ARHGAP44: variants seen among roughly 807,000 people sequenced by gnomAD.
The protein encoded by ARHGAP44 is Rho GTPase activating protein 44.
ARHGAP44 carries 43 observed loss-of-function variants against 106.8 expected under a neutral mutation model. The observed-to-expected ratio is 0.40, with a 90% CI of 0.32 to 0.52. ARHGAP44 has a LOEUF of 0.52. ARHGAP44 is among the 20% of genes least tolerant of loss of function. The probability of loss-of-function intolerance (pLI) is 0.48; values close to 1 mark genes in which losing one functional copy is unlikely to be tolerated. For missense variants in ARHGAP44, 866 were observed against 1,050.5 expected, an observed-to-expected ratio of 0.82 and a Z score of 2.43; for synonymous variants, 439 against 410.3, an observed-to-expected ratio of 1.07 and a Z score of -0.85.
intron 7 of ARHGAP44, among the ~76,000 whole-genome samples, chr17:12,939,997 A>G (rs2038662671): frequency 6.6e-6 from 1 of 152,234 alleles, no homozygotes; most frequent in African/African-American, 2.4e-5. Flanking sequence ...AGTGTTCTTA[A>G]TGAGAATAGG....
At chr17:12,956,385 G>A (rs2072250) in intron 14 of ARHGAP44, among the ~76,000 whole-genome samples, 10,912 of 152,226 alleles carry the variant, frequency 0.072, 442 homozygotes, top group South Asian at 0.13. Flanking sequence ...AGAATCACAG[G>A]GACGGGAGGG....
chr17:12,819,190 T>G (rs921145567), intron 1 of ARHGAP44, among the ~76,000 whole-genome samples: 2 of 152,092 alleles, frequency 1.3e-5, no homozygotes, highest in African/African-American at 4.8e-5. Context: ...ATAAATTAGA[T>G]CATATGGCAT....
chr17:12,822,781 G>A (rs2034808908), intron 1 of ARHGAP44, among the ~76,000 whole-genome samples: 1 of 152,126 alleles, frequency 6.6e-6, no homozygotes, highest in Non-Finnish European at 1.5e-5. Flanking sequence ...CAATGCACAT[G>A]TCTGACTCTG....
At chr17:12,961,146 C>T (rs776092877) in intron 16 of ARHGAP44, among the ~76,000 whole-genome samples, 10 of 152,166 alleles carry the variant, frequency 6.6e-5, no homozygotes, top group Non-Finnish European at 1.3e-4. Context: ...TCCAGTGCCT[C>T]CTGGGCGCAC....
At chr17:12,902,083 T>A (rs1231620136) in intron 3 of ARHGAP44, among the ~76,000 whole-genome samples, 1 of 152,188 alleles carries the variant, frequency 6.6e-6, no homozygotes, top group Non-Finnish European at 1.5e-5. Flanking sequence ...TAACTCACTC[T>A]CCTGCCTAAT....
At chr17:12,798,111 TG>T (rs1455601562) in intron 1 of ARHGAP44, among the ~76,000 whole-genome samples, 1 of 152,198 alleles carries the variant, frequency 6.6e-6, no homozygotes, top group Non-Finnish European at 1.5e-5. Flanking sequence ...ATTGAGTCTG[TG>T]GGATTTTCCA....
At chr17:12,897,948 T>C (rs2037262511) in intron 3 of ARHGAP44, among the ~76,000 whole-genome samples, 1 of 152,094 alleles carries the variant, frequency 6.6e-6, no homozygotes, top group Non-Finnish European at 1.5e-5. Flanking sequence ...TCAGTAAGGA[T>C]ACATTTGGAT....
At position 12,794,687 on chromosome 17, in the gene ARHGAP44, C is replaced by T. The variant is rs113791773; in HGVS notation, c.53+4796C>T. ...AGTTTTGTCTCTGGAGCCTTGTTTT[C>T]TATTCCTTGACTGCTTTGCATACAT... On this transcript the variant is annotated intron_variant, in intron 1 of 20. Coordinates refer to ENST00000379672, the MANE Select transcript of ARHGAP44 (RefSeq NM_014859.6). 2.5e-3 allele frequency among the ~76,000 whole-genome samples: 387 copies of T among 152,216 alleles called. 5 individuals carry two copies. Among genetic ancestry groups the T allele is most frequent in the African/African-American group, 9.0e-3 (375 of 41,536 alleles).
At chr17:12,906,488 A>T (rs967379910) in intron 3 of ARHGAP44, among the ~76,000 whole-genome samples, 3 of 152,218 alleles carry the variant, frequency 2.0e-5, no homozygotes, top group South Asian at 2.1e-4. Flanking sequence ...CTCAGGTTTG[A>T]TAATTTGCTA....
intron 1 of ARHGAP44, among the ~76,000 whole-genome samples, chr17:12,841,628 AC>A (rs1567642324): frequency 0.094 from 13,018 of 138,630 alleles, 709 homozygotes; most frequent in Middle Eastern, 0.17. Flanking sequence ...ACACACACAC[AC>A]ACACACACAC....
At chr17:12,847,664 C>T (rs2035610343) in intron 1 of ARHGAP44, among the ~76,000 whole-genome samples, 1 of 152,034 alleles carries the variant, frequency 6.6e-6, no homozygotes, top group Non-Finnish European at 1.5e-5. Context: ...CAGGTGCCTG[C>T]CACTGCGCCC....
intron 1 of ARHGAP44, among the ~76,000 whole-genome samples, chr17:12,833,943 T>C (rs1034441506): frequency 3.7e-4 from 54 of 147,116 alleles, no homozygotes; most frequent in Non-Finnish European, 6.9e-4. Context: ...TCAGAGAGAA[T>C]AGATTGTGAA....
intron 7 of ARHGAP44, among the ~76,000 whole-genome samples, chr17:12,937,142 C>T (rs1479378848): frequency 6.6e-6 from 1 of 152,108 alleles, no homozygotes; most frequent in Non-Finnish European, 1.5e-5. Context: ...TTATTCCTTT[C>T]TTAGGTGGGA....
At chr17:12,900,878 A>T (rs1380312740) in intron 3 of ARHGAP44, among the ~76,000 whole-genome samples, 1 of 148,618 alleles carries the variant, frequency 6.7e-6, no homozygotes, top group Non-Finnish European at 1.5e-5. Flanking sequence ...AGAGGACAAG[A>T]TGTGCCAGGT....
At chr17:12,838,272 T>C (rs932413907) in intron 1 of ARHGAP44, among the ~76,000 whole-genome samples, 1 of 152,212 alleles carries the variant, frequency 6.6e-6, no homozygotes, top group African/African-American at 2.4e-5. Flanking sequence ...AGGATACATA[T>C]ACATTTACAT....
intron 16 of ARHGAP44, among the ~76,000 whole-genome samples, chr17:12,961,087 G>GT (rs2039249945): frequency 6.6e-6 from 1 of 152,146 alleles, no homozygotes; most frequent in Admixed American, 6.5e-5. Flanking sequence ...CTACCCCAAA[G>GT]TGTGCCCCTC....
At chr17:12,911,674 C>T (rs1007960396) in intron 4 of ARHGAP44, among the ~76,000 whole-genome samples, 4 of 152,138 alleles carry the variant, frequency 2.6e-5, no homozygotes, top group African/African-American at 9.7e-5. Flanking sequence ...CCCCGACTCC[C>T]GCCTGAGCAG....
chr17:12,849,259 C>T (rs1367952108), intron 1 of ARHGAP44, among the ~76,000 whole-genome samples: 1 of 151,644 alleles, frequency 6.6e-6, no homozygotes, highest in African/African-American at 2.4e-5. Flanking sequence ...TTTTCATATT[C>T]TGTATAAGGC....
At chr17:12,872,966 G>A (rs545669899) in intron 1 of ARHGAP44, among the ~76,000 whole-genome samples, 4 of 152,216 alleles carry the variant, frequency 2.6e-5, no homozygotes, top group African/African-American at 7.2e-5. Context: ...GATTTATCCC[G>A]ACATTAGCGT....
Sources: allele counts gnomAD v4.1 joint callset (sites outside exome capture counted in the v4.1 genomes callset), GRCh38; gene constraint gnomAD v4.1.1; transcripts MANE v1.5; gene names NCBI Gene and HGNC (gene_info 2026-07-23, HGNC 2026-07-21).